The following INTS11 variants were observed in gnomAD, a reference collection of about 807,000 sequenced individuals.
INTS11 encodes CPSF3-like protein.
Under a neutral mutation model 78.6 loss-of-function variants are expected in INTS11, and 77 were observed. That is an observed-to-expected ratio of 0.98 (90% CI 0.81 to 1.18). INTS11 has a LOEUF of 1.18. INTS11 is among the 50% of genes most tolerant of loss of function. The pLI is 0.00. For synonymous variants in INTS11, 441 were observed against 326.9 expected (o/e 1.35, Z -3.77); for missense variants, 875 against 825.9 (o/e 1.06, Z -0.73).
chr1:1,324,530 G>A (rs762911381), intron 1 of INTS11, 51 bp downstream of exon 1: 3 of 1,561,390 alleles, frequency 1.9e-6, no homozygotes, highest in South Asian at 2.3e-5. Context: ...CAGCCCGCCC[G>A]GAGCCGCATA....
intron 4 of INTS11, chr1:1,318,997 G>C (rs771213642): frequency 1.4e-6 from 1 of 717,162 alleles, no homozygotes. Flanking sequence ...CGCTCTGAGG[G>C]CACCAGCCTG....
rs780891309 is a variant in INTS11 at position 1,313,782 on chromosome 1, T to C, written c.907A>G (p.Lys303Glu). The change falls in exon 9 of 17, where the codon AAG (lysine) becomes GAG (glutamate). Residue 303 changes from lysine to glutamate, a missense_variant. By Grantham distance (56) the Lys-to-Glu change is moderately conservative. Transcript: ENST00000435064. ...GCCCGGTCGAAGGCCTTGATGTGCTTGAACTCAAACATGTTCCTCTGCACG... is the reference window on the plus strand; with the variant it reads ...GCCCGGTCGAAGGCCTTGATGTGCTCGAACTCAAACATGTTCCTCTGCACG... ...TFVQRNMFEF[K>E]HIKAFDRAFA... 65 of 1,613,288 alleles carry C rather than the reference T, an allele frequency of 4.0e-5. No individual in the cohort carries two copies. Among genetic ancestry groups the C allele is most frequent in the Non-Finnish European group, 5.4e-5 (64 of 1,179,988 alleles).
At position 1,312,055 on chromosome 1, in the gene INTS11, G is replaced by A; in HGVS notation, c.1700C>T (p.Pro567Leu). 1.9e-6 allele frequency: 3 copies of A among 1,573,590 alleles called. No individual in the cohort carries two copies. The highest frequency in any genetic ancestry group is 1.7e-4 in the Middle Eastern group (1 of 5,998). The change falls in exon 16 of 17, where the codon CCA (proline) becomes CTA (leucine). Residue 567 changes from proline to leucine, a missense_variant. Coordinates refer to ENST00000435064, the MANE Select transcript of INTS11 (RefSeq NM_017871.6). ...GGAGACCAGCAGCACCTTGGTGCCT[G>A]GGTCCTCAGAAGGGGCGGCGGCCTG... ...LLQAAAPSEDPGTKVLLVSWT... is the reference protein window; with the variant it reads ...LLQAAAPSEDLGTKVLLVSWT...
Position 1,312,129 on chromosome 1 carries a change from A to G in INTS11, c.1626T>C (p.Cys542=), listed in dbSNP as rs781305263. 1.6e-5 allele frequency: 24 copies of G among 1,543,912 alleles called. No homozygotes were observed. The East Asian group carries it at 5.6e-4, about 36-fold the overall frequency. Residue 542 remains cysteine (C), a synonymous_variant, in exon 16 of 17, where the codon TGT becomes TGC. Transcript: ENST00000435064. ...CAGAGCCGTCTGGGAGGTGCTGCAC[A>G]CAGTGGTCCTTCAGGACGCTGTGGG... The part of the protein sequence containing the change: ...SHLKSVLKDH[C]VQHLPDGSVT...
At chr1:1,317,563 G>T in intron 4 of INTS11, 1 of 400,986 alleles carries the variant, frequency 2.5e-6, no homozygotes, top group Non-Finnish European at 3.4e-6. Context: ...AGGCTCTCGG[G>T]GTCCCTGGAG....
rs1248712615 is a variant in INTS11, at chr1:1,322,877, C to T, written c.28+1704G>A. The stretch of plus-strand genomic sequence containing the variant: ...GCAGGGAAGCGGTGAAACAGGACTT[C>T]GGCTTTGATGATACCTTGGCTGAGG... On this transcript the variant is annotated intron_variant, in intron 1 of 16. Transcript: ENST00000435064. The T allele has an allele frequency of 1.8e-5, 21 of 1,195,474 alleles. No individual in the cohort carries two copies. The African/African-American group carries it at 2.0e-4, about 11-fold the overall frequency. 74.1% of individuals were successfully genotyped at this position (1,195,474 alleles called of 1,614,324 possible).
Position 1,314,672 on chromosome 1 carries a change from C to T in INTS11, c.702+152G>A, listed in dbSNP as rs1642467508. 9.9e-7 allele frequency: 1 copy of T among 1,008,708 alleles called. No individual in the cohort carries two copies. The highest frequency in any genetic ancestry group is 1.5e-6 in the Non-Finnish European group (1 of 684,478). The allele number at this position is 1,008,708 out of a possible 1,614,324, so 62.5% of individuals were successfully genotyped here. On this transcript the variant is annotated intron_variant, in intron 7 of 16. Coordinates refer to ENST00000435064, the MANE Select transcript of INTS11 (RefSeq NM_017871.6). This position sits in a 1 kb window ranked among gnomAD's most constrained non-coding sequence, Gnocchi z 4.2. Reference sequence around the variant, plus strand: ...TAGGAAAGGGTCTCTGAGTTTTCCTCCTCAATGTTGAGCAAATCTTCTTCC... The same window carrying T: ...TAGGAAAGGGTCTCTGAGTTTTCCTTCTCAATGTTGAGCAAATCTTCTTCC...
intron 4 of INTS11, 70 bp from the exon 5 acceptor site, chr1:1,315,688 G>T: frequency 1.8e-6 from 1 of 547,070 alleles, no homozygotes. Flanking sequence ...GGAGGCGGGG[G>T]ACGGGAAGCG....
At chr1:1,313,284 C>G in intron 10 of INTS11, 160 bp from the exon 11 acceptor site, 1 of 942,206 alleles carries the variant, frequency 1.1e-6, no homozygotes, top group East Asian at 2.6e-5. Context: ...GGTTTTGGCA[C>G]AAGACTGTCC....
chr1:1,321,168 C>G, intron 1 of INTS11, 75 bp from the exon 2 acceptor site: 1 of 1,197,928 alleles, frequency 8.3e-7, no homozygotes. Context: ...TCTGCAGGAC[C>G]CCAGTGCACT....
rs1570709001 is a variant in INTS11, at chr1:1,313,258, G to C, written c.1042-134C>G. Reference sequence around the variant, plus strand: ...CGGCGCCCGACCAAGCCTAGCTGCAGACTCCAAAGGGCTCAGGTTTTGGCA... The same window carrying C: ...CGGCGCCCGACCAAGCCTAGCTGCACACTCCAAAGGGCTCAGGTTTTGGCA... On this transcript the variant is annotated intron_variant, in intron 10 of 16. Coordinates refer to ENST00000435064, the MANE Select transcript of INTS11 (RefSeq NM_017871.6). 5 of 1,068,442 alleles carry C rather than the reference G, an allele frequency of 4.7e-6. No homozygotes were observed. In the East Asian group the frequency reaches 1.3e-4, roughly 28 times the overall value. 66.2% of individuals were successfully genotyped at this position (1,068,442 alleles called of 1,614,324 possible).
At chr1:1,319,949 G>C (rs945534809) in intron 3 of INTS11, 9 of 207,150 alleles carry the variant, frequency 4.3e-5, no homozygotes, top group Non-Finnish European at 6.8e-5. Flanking sequence ...CAACCACGAG[G>C]GGCTCAGGGG....
In INTS11 at chr1:1,320,758, G is replaced by A. The variant is rs1215690297; in HGVS notation, c.127-229C>T. On this transcript the variant is annotated intron_variant, in intron 2 of 16. Transcript: ENST00000435064. Reference sequence around the variant, plus strand: ...ATGTGAGCTGGAAGCTGAGCCCAGGGTCTCACGGAGTCCAGCCTACAGGAC... The same window carrying A: ...ATGTGAGCTGGAAGCTGAGCCCAGGATCTCACGGAGTCCAGCCTACAGGAC... 4 of 711,462 alleles carry A rather than the reference G, an allele frequency of 5.6e-6. No individual in the cohort carries two copies. In the African/African-American group the frequency reaches 7.0e-5, roughly 12 times the overall value. 44.1% of individuals were successfully genotyped at this position (711,462 alleles called of 1,614,324 possible).
intron 3 of INTS11, chr1:1,320,187 C>T (rs1642860945): frequency 2.2e-6 from 1 of 462,908 alleles, no homozygotes; most frequent in Non-Finnish European, 3.9e-6. Flanking sequence ...GTTTAAAGAT[C>T]CTGAGACAGT....
chr1:1,314,947 G>A lies in INTS11; in HGVS notation c.579C>T (p.Asp193=). ...PDRHLGAAWI[D]KCRPNLLITE... ...TGATGAGCAGGTTGGGGCGGCACTT[G>A]TCAATCCAGGCAGCTCTGGAACACG... Residue 193 remains aspartate (D), a synonymous_variant, in exon 7 of 17, where the codon GAC becomes GAT. Coordinates refer to ENST00000435064, the MANE Select transcript of INTS11 (RefSeq NM_017871.6). This position sits in a 1 kb window ranked among gnomAD's most constrained non-coding sequence, Gnocchi z 4.2. 1 of 1,612,678 alleles carries A rather than the reference G, an allele frequency of 6.2e-7. No homozygotes were observed. Among genetic ancestry groups the A allele is most frequent in the Non-Finnish European group, 8.5e-7 (1 of 1,179,658 alleles).
At chr1:1,321,898 T>TGCCCCCCCCCC in intron 1 of INTS11, 1 of 1,141,970 alleles carries the variant, frequency 8.8e-7, no homozygotes, top group Non-Finnish European at 1.2e-6. Context: ...TCCCCTTGAA[T>TGCCCCCCCCCC]CCCACCCACC....
Position 1,312,666 on chromosome 1 carries a change from C to T in INTS11, c.1329G>A (p.Thr443=), listed in dbSNP as rs147953341. 4.4e-5 allele frequency: 71 copies of T among 1,595,778 alleles called. No individual in the cohort carries two copies. In the African/African-American group the frequency reaches 6.6e-4, roughly 15 times the overall value. The part of the protein sequence containing the change: ...VNCYMPANGE[T]VTLPTSPSIP... ...TGCTGGGGCTTGTGGGCAGCGTCAC[C>T]GTCTCGCCATTGGCCGGCATGTAGC... is the stretch of plus-strand genomic sequence containing the variant. Residue 443 remains threonine, a synonymous_variant, in exon 13 of 17, where the codon ACG becomes ACA. Coordinates refer to ENST00000435064, the MANE Select transcript of INTS11 (RefSeq NM_017871.6).
At chr1:1,315,104 T>A in intron 6 of INTS11, 142 bp from the exon 7 acceptor site, 1 of 1,064,952 alleles carries the variant, frequency 9.4e-7, no homozygotes, top group Non-Finnish European at 1.3e-6. Flanking sequence ...GGTAAAATGC[T>A]GTGGGCAGCA....
chr1:1,312,228 CTT>C lies in INTS11; in HGVS notation c.1603_1604del (p.Lys535GlufsTer30), dbSNP rs1246623835. On this transcript the variant is annotated frameshift_variant, in exon 15 of 17. Coordinates refer to ENST00000435064, the MANE Select transcript of INTS11 (RefSeq NM_017871.6). LOFTEE classifies it high-confidence loss of function. ...GGGGGGCGGGGCCGGGCGCCCACCT[CTT>C]GAGGTGGCTGTAGACGCGCAATGCC... ...ETALRVYSHL[K>X]SVLKDHCVQH... 2.6e-6 allele frequency: 4 copies of C among 1,530,956 alleles called. No individual in the cohort carries two copies. The highest frequency in any genetic ancestry group is 2.0e-5 in the Admixed American group (1 of 50,788). 94.8% of individuals were successfully genotyped at this position (1,530,956 alleles called of 1,614,324 possible).
Sources: allele counts gnomAD v4.1 joint callset, GRCh38; gene constraint gnomAD v4.1.1; non-coding constraint Gnocchi (gnomAD v3.1); transcripts MANE v1.5; gene names NCBI Gene and HGNC (gene_info 2026-07-23, HGNC 2026-07-21).